Variants in RNF157 observed in about 807,000 individuals in gnomAD.
RNF157 encodes E3 ubiquitin ligase RNF157.
Under a neutral mutation model 88.3 loss-of-function variants are expected in RNF157, and 55 were observed. The observed-to-expected ratio is 0.62, with a 90% CI of 0.50 to 0.78. The LOEUF is 0.78. RNF157 is among the 30% of genes least tolerant of loss of function. The probability of loss-of-function intolerance (pLI) is 0.00; values close to 1 mark genes in which losing one functional copy is unlikely to be tolerated. For missense variants in RNF157, 788 were observed against 860.8 expected (o/e 0.92, Z 1.06); for synonymous variants, 334 against 341.2 (o/e 0.98, Z 0.23).
intron 18 of RNF157, among the ~76,000 whole-genome samples, chr17:76,147,800 G>T (rs2144786779): frequency 6.6e-6 from 1 of 152,304 alleles, no homozygotes; most frequent in Admixed American, 6.5e-5. Flanking sequence ...CTGAATCCAG[G>T]CCCCTCCAGC....
chr17:76,152,567 ATC>A, intron 17 of RNF157, 102 bp from the exon 18 acceptor site: 1 of 726,068 alleles, frequency 1.4e-6, no homozygotes, highest in Non-Finnish European at 2.5e-6. Flanking sequence ...AAAAAATCAA[ATC>A]ATATGTTAAA....
intron 2 of RNF157, among the ~76,000 whole-genome samples, chr17:76,184,102 A>G (rs2069242019): frequency 6.6e-6 from 1 of 151,906 alleles, no homozygotes; most frequent in Non-Finnish European, 1.5e-5. Context: ...GAGGCAAGAT[A>G]ATCACTTGAA....
intron 2 of RNF157, among the ~76,000 whole-genome samples, chr17:76,190,680 G>A (rs1302737168): frequency 6.6e-6 from 1 of 151,878 alleles, no homozygotes; most frequent in East Asian, 1.9e-4. Flanking sequence ...AGCACTTTGG[G>A]AGGCCGAGAC....
chr17:76,214,700 A>G (rs1409465580), intron 1 of RNF157, among the ~76,000 whole-genome samples: 2 of 152,196 alleles, frequency 1.3e-5, no homozygotes, highest in African/African-American at 2.4e-5. Context: ...CTGGGACATC[A>G]GTCATGGCAG....
intron 18 of RNF157, among the ~76,000 whole-genome samples, chr17:76,145,819 G>T (rs902603957): frequency 6.6e-6 from 1 of 152,134 alleles, no homozygotes; most frequent in Non-Finnish European, 1.5e-5. Context: ...CCCAGGCGGG[G>T]CAGGAAAGGA....
intron 1 of RNF157, chr17:76,225,794 A>G: frequency 6.4e-7 from 1 of 1,566,084 alleles, no homozygotes; most frequent in Non-Finnish European, 8.6e-7. Context: ...GACCTCTTCT[A>G]TCAAATCTTT....
At chr17:76,150,118 A>C (rs961108046) in intron 18 of RNF157, among the ~76,000 whole-genome samples, 7 of 152,028 alleles carry the variant, frequency 4.6e-5, no homozygotes, top group African/African-American at 1.7e-4. Context: ...ACTGAACAGA[A>C]ATCCATATAG....
intron 1 of RNF157, among the ~76,000 whole-genome samples, chr17:76,231,286 C>T (rs574708933): frequency 2.0e-5 from 3 of 152,306 alleles, no homozygotes; most frequent in South Asian, 4.1e-4. Context: ...CGTGAGCCAC[C>T]GTGCCCGGCC....
chr17:76,149,180 G>C lies in RNF157; in HGVS notation c.1921+3175C>G, dbSNP rs531322962. ...GGGGGAGAGGGCTAGAATGACAAAAGTGCCTCTAAGCCCCTCACCAGTGTT... is the reference window on the plus strand; with the variant it reads ...GGGGGAGAGGGCTAGAATGACAAAACTGCCTCTAAGCCCCTCACCAGTGTT... On this transcript the variant is annotated intron_variant, in intron 18 of 18. Transcript: ENST00000269391. Among the ~76,000 whole-genome samples the C allele has an allele frequency of 2.6e-5, 4 of 152,184 alleles. No homozygotes were observed. In the South Asian group the frequency reaches 8.3e-4, roughly 32 times the overall value.
intron 2 of RNF157, among the ~76,000 whole-genome samples, chr17:76,196,252 T>C (rs1471820242): frequency 6.6e-6 from 1 of 152,208 alleles, no homozygotes; most frequent in Non-Finnish European, 1.5e-5. Context: ...GTCACAAAGA[T>C]GCTGAGTGAA....
chr17:76,173,114 G>A (rs559636986), intron 3 of RNF157, among the ~76,000 whole-genome samples: 16 of 152,106 alleles, frequency 1.1e-4, no homozygotes, highest in East Asian at 1.9e-4. Flanking sequence ...GTGAAACCCC[G>A]TCTCTATTAA....
intron 3 of RNF157, among the ~76,000 whole-genome samples, chr17:76,172,782 A>G (rs1471380570): frequency 6.6e-6 from 1 of 151,938 alleles, no homozygotes; most frequent in African/African-American, 2.4e-5. Context: ...TGCCCTAACC[A>G]AATTTTTTCA....
chr17:76,170,918 A>T (rs1168970078), intron 3 of RNF157, among the ~76,000 whole-genome samples: 1 of 152,096 alleles, frequency 6.6e-6, no homozygotes, highest in Non-Finnish European at 1.5e-5. Context: ...ATTGAGATGG[A>T]GTCTCACTCT....
At chr17:76,226,761 A>C (rs1205671990) in intron 1 of RNF157, 1 of 1,588,588 alleles carries the variant, frequency 6.3e-7, no homozygotes, top group Non-Finnish European at 8.6e-7. Flanking sequence ...GGGGACATCA[A>C]GTCCCCCACC....
At chr17:76,177,853 C>A (rs1378545019) in intron 2 of RNF157, among the ~76,000 whole-genome samples, 1 of 152,074 alleles carries the variant, frequency 6.6e-6, no homozygotes, top group Non-Finnish European at 1.5e-5. Flanking sequence ...CACTCCAGGG[C>A]CTCCTCTCTG....
chr17:76,226,409 A>G (rs6501868), intron 1 of RNF157: 708,011 of 1,592,854 alleles, frequency 0.44, 159,603 homozygotes, highest in African/African-American at 0.61. Flanking sequence ...CTGGGGGGGC[A>G]CCTTATTAGT....
At chr17:76,181,017 C>T (rs2069180459) in intron 2 of RNF157, among the ~76,000 whole-genome samples, 2 of 152,080 alleles carry the variant, frequency 1.3e-5, no homozygotes, top group South Asian at 2.1e-4. Context: ...AACAAACTGA[C>T]ATTCTACAGA....
At chr17:76,182,512 T>C (rs1236022551) in intron 2 of RNF157, among the ~76,000 whole-genome samples, 2 of 151,406 alleles carry the variant, frequency 1.3e-5, no homozygotes, top group Non-Finnish European at 1.5e-5. Context: ...TTTTTTTTTT[T>C]ACCATTCTGA....
intron 1 of RNF157, among the ~76,000 whole-genome samples, chr17:76,232,675 T>C (rs2070213833): frequency 6.6e-6 from 1 of 152,212 alleles, no homozygotes; most frequent in Non-Finnish European, 1.5e-5. Context: ...ACTGTCCAAC[T>C]TTCCAAAGTG....
Sources: allele counts gnomAD v4.1 joint callset (sites outside exome capture counted in the v4.1 genomes callset), GRCh38; gene constraint gnomAD v4.1.1; transcripts MANE v1.5; gene names NCBI Gene and HGNC (gene_info 2026-07-23, HGNC 2026-07-21).